Variants in BDH2 observed in about 807,000 individuals in gnomAD.
BDH2 encodes dehydrogenase/reductase SDR family member 6.
Under a neutral mutation model 33.2 loss-of-function variants are expected in BDH2, and 24 were observed. The ratio of observed to expected loss-of-function variants is 0.72; its 90% confidence interval spans 0.52 to 1.02. BDH2 has a LOEUF of 1.02. BDH2 is among the 50% of genes least tolerant of loss of function. The probability of loss-of-function intolerance (pLI) is 0.00; values close to 1 mark genes in which losing one functional copy is unlikely to be tolerated. For synonymous variants in BDH2, 81 were observed against 101.6 expected (o/e 0.80, Z 1.22); for missense variants, 249 against 301.6 (o/e 0.83, Z 1.29).
In BDH2 at chr4:103,096,553, T is replaced by C. The variant is rs866276931; in HGVS notation, c.-20-279A>G. Reference sequence around the variant, plus strand: ...GCCATTTTTTTTTTTTTTTTTTTTTTTTATGAGATGGAGTTTCACTCTTGT... The same window carrying C: ...GCCATTTTTTTTTTTTTTTTTTTTTCTTATGAGATGGAGTTTCACTCTTGT... On this transcript the variant is annotated intron_variant, in intron 1 of 9. Coordinates refer to ENST00000296424, the MANE Select transcript of BDH2 (RefSeq NM_020139.4). 8.7e-3 allele frequency among the ~76,000 whole-genome samples: 1,304 copies of C among 150,438 alleles called. 13 individuals are homozygous for C. Among genetic ancestry groups the C allele is most frequent in the African/African-American group, 0.03 (1,214 of 40,412 alleles).
intron 5 of BDH2, among the ~76,000 whole-genome samples, chr4:103,087,623 G>T (rs1252818734): frequency 6.6e-6 from 1 of 152,122 alleles, no homozygotes; most frequent in Non-Finnish European, 1.5e-5. Flanking sequence ...TGGCTGTTTT[G>T]TCCTCCTAGA....
At position 103,082,148 on chromosome 4, in the gene BDH2, T is replaced by G. The variant is rs201453659; in HGVS notation, c.617A>C (p.Gln206Pro). 4 of 1,614,058 alleles carry G rather than the reference T, an allele frequency of 2.5e-6. No homozygotes were observed. Among genetic ancestry groups the G allele is most frequent in the Non-Finnish European group, 3.4e-6 (4 of 1,180,010 alleles). The change falls in exon 9 of 10, where the codon CAA (glutamine) becomes CCA (proline). Residue 206 changes from glutamine to proline, a missense_variant. Physicochemically the swap from Gln to Pro is moderately conservative, Grantham distance 76. Transcript: ENST00000296424. ...EEARNDFLKRQKTGRFATAEE... is the reference protein window; with the variant it reads ...EEARNDFLKRPKTGRFATAEE... ...TGCAGTTGCGAATCTTCCCGTCTTT[T>G]GTCTCTTCAGGAAATCATTCCGTGC... is the stretch of plus-strand genomic sequence containing the variant.
intron 3 of BDH2, among the ~76,000 whole-genome samples, chr4:103,093,997 C>T (rs1748239283): frequency 6.6e-6 from 1 of 151,972 alleles, no homozygotes; most frequent in African/African-American, 2.4e-5. Flanking sequence ...ATTATGTAAC[C>T]TGTTCTATTT....
intron 1 of BDH2, among the ~76,000 whole-genome samples, chr4:103,098,405 G>A (rs1017752870): frequency 8.5e-5 from 13 of 152,144 alleles, no homozygotes; most frequent in Admixed American, 1.3e-4. Flanking sequence ...AAAGCCCTGC[G>A]GGCCTCTCTA....
chr4:103,085,551 C>A, intron 6 of BDH2, 89 bp from the exon 7 acceptor site: 1 of 1,422,398 alleles, frequency 7.0e-7, no homozygotes, highest in Non-Finnish European at 9.6e-7. Flanking sequence ...TCCCAGTAGC[C>A]ATTTTCATGC....
At chr4:103,085,869 A>T in intron 6 of BDH2, 5 of 1,221,566 alleles carry the variant, frequency 4.1e-6, no homozygotes, top group Non-Finnish European at 5.2e-6. Context: ...AAAGAGAAGA[A>T]ATGGTATCTC....
At chr4:103,093,996 C>A (rs1748239062) in intron 3 of BDH2, among the ~76,000 whole-genome samples, 1 of 151,988 alleles carries the variant, frequency 6.6e-6, no homozygotes, top group South Asian at 2.1e-4. Context: ...GATTATGTAA[C>A]CTGTTCTATT....
intron 5 of BDH2, among the ~76,000 whole-genome samples, chr4:103,088,216 T>A (rs1046328269): frequency 6.6e-6 from 1 of 152,210 alleles, no homozygotes; most frequent in Non-Finnish European, 1.5e-5. Flanking sequence ...AGTGTAATGG[T>A]GTTGAAAAGT....
At chr4:103,089,738 C>A (rs1311269070) in intron 5 of BDH2, among the ~76,000 whole-genome samples, 1 of 152,142 alleles carries the variant, frequency 6.6e-6, no homozygotes, top group Non-Finnish European at 1.5e-5. Context: ...CTCTGCTCTA[C>A]CCCTGTAACC....
chr4:103,098,238 G>A (rs1252806984), intron 1 of BDH2, among the ~76,000 whole-genome samples: 1 of 152,220 alleles, frequency 6.6e-6, no homozygotes, highest in Non-Finnish European at 1.5e-5. Flanking sequence ...GTGGATTGGA[G>A]AAGTGTTTCA....
In BDH2 at chr4:103,085,220, T is replaced by C. The variant is rs530791412; in HGVS notation, c.532+129A>G. The C allele has an allele frequency of 2.5e-5, 17 of 684,522 alleles. No individual in the cohort carries two copies. In the East Asian group the frequency reaches 4.7e-4, roughly 19 times the overall value. The allele number at this position is 684,522 out of a possible 1,614,324, so 42.4% of individuals were successfully genotyped here. ...ATTTATGGCTTTGAGAGTCATTTTA[T>C]CTGTTGCAACTATTATACTAAACTC... On this transcript the variant is annotated intron_variant, in intron 7 of 9. Transcript: ENST00000296424.
intron 2 of BDH2, among the ~76,000 whole-genome samples, 188 bp from the exon 3 acceptor site, chr4:103,095,469 A>G (rs186698957): frequency 6.6e-6 from 1 of 152,268 alleles, no homozygotes; most frequent in Non-Finnish European, 1.5e-5. Flanking sequence ...ATTAATTAGA[A>G]CAATGTGACA....
intron 7 of BDH2, among the ~76,000 whole-genome samples, chr4:103,084,806 C>G (rs986828637): frequency 6.6e-6 from 1 of 152,132 alleles, no homozygotes; most frequent in South Asian, 2.1e-4. Flanking sequence ...TCTTGTGGGT[C>G]TTTCTAAACC....
In BDH2 at chr4:103,079,795, G is replaced by C. The variant is rs200369664; in HGVS notation, c.685-40C>G. 1,152 of 1,579,814 alleles carry C rather than the reference G, an allele frequency of 7.3e-4. 3 individuals carry two copies. The highest frequency in any genetic ancestry group is 3.7e-3 in the Middle Eastern group (22 of 5,998). On this transcript the variant is annotated intron_variant, in intron 9 of 9. Coordinates refer to ENST00000296424, the MANE Select transcript of BDH2 (RefSeq NM_020139.4). ...ACAAGGAGACAGAACAATTAACCAG[G>C]TTTGATACAGGCTGTATTTTGAAAT... is the stretch of plus-strand genomic sequence containing the variant.
Position 103,082,182 on chromosome 4 carries a change from A to G in BDH2, c.592-9T>C. On this transcript the variant is annotated splice_polypyrimidine_tract_variant and intron_variant, in intron 8 of 9. Coordinates refer to ENST00000296424, the MANE Select transcript of BDH2 (RefSeq NM_020139.4). ...AGGAAATCATTCCGTGCCTGTGACC[A>G]GAGACCATACCAGACATTAGTGATG... The G allele has an allele frequency of 6.2e-7, 1 of 1,611,480 alleles. No homozygotes were observed.
In BDH2 at chr4:103,082,071, T is replaced by C. The variant is rs751059219; in HGVS notation, c.684+10A>G. 8 of 1,610,340 alleles carry C rather than the reference T, an allele frequency of 5.0e-6. No homozygotes were observed. Among genetic ancestry groups the C allele is most frequent in the South Asian group, 1.1e-5 (1 of 90,986 alleles). On this transcript the variant is annotated intron_variant, in intron 9 of 9. Coordinates refer to ENST00000296424, the MANE Select transcript of BDH2 (RefSeq NM_020139.4). ...AGGGTAATGAACTCCTTGGGAAGAA[T>C]AGTGCTTACTTCATCAGAAGCCAAA...
At position 103,082,961 on chromosome 4, in the gene BDH2, C is replaced by G. The variant is rs1187476931; in HGVS notation, c.533-32G>C. The G allele has an allele frequency of 1.9e-6, 3 of 1,559,850 alleles. No individual in the cohort carries two copies. The South Asian group carries it at 3.3e-5, about 17-fold the overall frequency. On this transcript the variant is annotated intron_variant, in intron 7 of 9. Coordinates refer to ENST00000296424, the MANE Select transcript of BDH2 (RefSeq NM_020139.4). ...CAAAGGGGGATATTCAGCTTGGTTA[C>G]TCACTTTCACTGAAAAAGAAATCGA...
intron 5 of BDH2, among the ~76,000 whole-genome samples, chr4:103,088,189 G>A (rs1747890518): frequency 6.6e-6 from 1 of 152,162 alleles, no homozygotes; most frequent in Non-Finnish European, 1.5e-5. Context: ...CATAAAAAGT[G>A]TCAAGAATGT....
At chr4:103,084,163 A>G (rs1237629870) in intron 7 of BDH2, among the ~76,000 whole-genome samples, 2 of 152,212 alleles carry the variant, frequency 1.3e-5, no homozygotes, top group Admixed American at 6.5e-5. Context: ...TCAAGCTTTC[A>G]CTAACACTCC....
Sources: gnomAD v4.1 joint callset for allele counts (sites outside exome capture counted in the v4.1 genomes callset) on GRCh38, gnomAD v4.1.1 for gene constraint, MANE v1.5 for transcripts, NCBI Gene and HGNC (gene_info 2026-07-23, HGNC 2026-07-21) for gene names.